SUFU: variants seen among roughly 807,000 people sequenced by gnomAD.
SUFU encodes SUFU negative regulator of hedgehog signaling, also known as suppressor of fused homolog.
Under a neutral mutation model 58.9 loss-of-function variants are expected in SUFU, and 7 were observed. The ratio of observed to expected loss-of-function variants is 0.12; its 90% CI spans 0.07 to 0.22. The LOEUF (loss-of-function observed/expected upper bound fraction) is 0.22. SUFU is among the 10% of genes least tolerant of loss of function. SUFU has a pLI of 1.00. For synonymous variants in SUFU, 232 were observed against 254.8 expected, an observed-to-expected ratio of 0.91 and a Z score of 0.85; for missense variants, 451 against 641.3, an observed-to-expected ratio of 0.70 and a Z score of 3.20.
intron 3 of SUFU, among the ~76,000 whole-genome samples, chr10:102,577,781 C>T (rs866293578): frequency 2.0e-5 from 3 of 150,610 alleles, no homozygotes; most frequent in South Asian, 4.3e-4. Context: ...CCCGGATTCA[C>T]GCCATTCTCC....
Position 102,548,184 on chromosome 10 carries a change from G to GAGAT in SUFU, c.318-1772_318-1769dup, listed in dbSNP as rs914664074. Among the ~76,000 whole-genome samples the GAGAT allele has an allele frequency of 4.6e-5, 7 of 151,748 alleles. No homozygotes were observed. In the East Asian group the frequency reaches 1.4e-3, roughly 30 times the overall value. On this transcript the variant is annotated intron_variant, in intron 2 of 11. Coordinates refer to ENST00000369902, the MANE Select transcript of SUFU (RefSeq NM_016169.4). ...AATACATAGATGATAGAGAGATAGAGAGATAGATAGATAGATACATACATA... is the reference window on the plus strand; with the variant it reads ...AATACATAGATGATAGAGAGATAGAGAGATAGATAGATAGATAGATACATACATA...
At chr10:102,584,809 T>C (rs141392337) in intron 3 of SUFU, among the ~76,000 whole-genome samples, 24 of 152,266 alleles carry the variant, frequency 1.6e-4, no homozygotes, top group African/African-American at 5.1e-4. Context: ...TGCACAGATA[T>C]GGCAAACATG....
Position 102,568,209 on chromosome 10 carries a change from TA to T in SUFU, c.454+18117del, listed in dbSNP as rs71912020. ...GGTAGAGTGGAGTTTCATTTTTACT[TA>T]AAAAAAAAAAAAAGTATGACTTTGA... is the stretch of plus-strand genomic sequence containing the variant. On this transcript the variant is annotated intron_variant, in intron 3 of 11. Transcript: ENST00000369902. Among the ~76,000 whole-genome samples the T allele has an allele frequency of 5.7e-3, 825 of 144,218 alleles. 2 individuals carry two copies. The highest frequency in any genetic ancestry group is 7.4e-3 in the Non-Finnish European group (489 of 65,762). The allele number at this position is 144,218 out of a possible 152,430, so 94.6% of individuals were successfully genotyped here.
chr10:102,597,977 A>T (rs1248515838), intron 7 of SUFU, among the ~76,000 whole-genome samples: 2 of 152,302 alleles, frequency 1.3e-5, no homozygotes, highest in South Asian at 2.1e-4. Context: ...TTACATATAC[A>T]TGTGTTGACA....
chr10:102,545,969 G>T (rs1480435791), intron 2 of SUFU, among the ~76,000 whole-genome samples: 13 of 152,104 alleles, frequency 8.5e-5, no homozygotes, highest in Non-Finnish European at 1.5e-4. Flanking sequence ...GTGAGGCTCG[G>T]TCTCACATAT....
chr10:102,514,353 C>A (rs1268191863), intron 2 of SUFU, among the ~76,000 whole-genome samples: 1 of 152,106 alleles, frequency 6.6e-6, no homozygotes. Context: ...CCCTGGTAAC[C>A]CTAAAAGGGA....
At chr10:102,581,848 A>C (rs1381674536) in intron 3 of SUFU, among the ~76,000 whole-genome samples, 1 of 152,208 alleles carries the variant, frequency 6.6e-6, no homozygotes, top group African/African-American at 2.4e-5. Flanking sequence ...GAACACCAGA[A>C]ATGCAAGAGG....
intron 2 of SUFU, among the ~76,000 whole-genome samples, chr10:102,548,620 T>C (rs977931599): frequency 6.6e-6 from 1 of 152,212 alleles, no homozygotes; most frequent in Non-Finnish European, 1.5e-5. Flanking sequence ...CTGAAAATTA[T>C]ATCATGAATG....
intron 2 of SUFU, among the ~76,000 whole-genome samples, chr10:102,530,864 A>C (rs1172295782): frequency 6.6e-6 from 1 of 152,124 alleles, no homozygotes; most frequent in Non-Finnish European, 1.5e-5. Context: ...TATGTCCAAC[A>C]AGAAAGCAGT....
At chr10:102,535,261 C>T (rs566336354) in intron 2 of SUFU, among the ~76,000 whole-genome samples, 3 of 151,948 alleles carry the variant, frequency 2.0e-5, no homozygotes, top group East Asian at 1.9e-4. Context: ...CTGAGGCAGG[C>T]GGATCATGAG....
At chr10:102,552,553 G>T (rs1268102135) in intron 3 of SUFU, among the ~76,000 whole-genome samples, 1 of 152,028 alleles carries the variant, frequency 6.6e-6, no homozygotes, top group Admixed American at 6.6e-5. Context: ...GTTGATCCTT[G>T]ATTAGATCCT....
intron 2 of SUFU, among the ~76,000 whole-genome samples, chr10:102,516,065 C>T (rs952211950): frequency 6.6e-6 from 1 of 151,066 alleles, no homozygotes; most frequent in Non-Finnish European, 1.5e-5. Context: ...CCCCAAATCT[C>T]TGAATTTGTG....
rs1242326159 is a variant in SUFU at position 102,632,537 on chromosome 10, G to A, written c.*2382G>A. ...TTTCTTGGGCTGCTGGCTGGTGAGAGAGGACCCTTAAAGAAGATCAAGCCA... is the reference window on the plus strand; with the variant it reads ...TTTCTTGGGCTGCTGGCTGGTGAGAAAGGACCCTTAAAGAAGATCAAGCCA... On this transcript the variant is annotated 3_prime_UTR_variant, in exon 12 of 12. Coordinates refer to ENST00000369902, the MANE Select transcript of SUFU (RefSeq NM_016169.4). 2 of 233,284 alleles carry A rather than the reference G, an allele frequency of 8.6e-6. No homozygotes were observed. Among genetic ancestry groups the A allele is most frequent in the Non-Finnish European group, 1.7e-5 (2 of 118,178 alleles). 14.5% of individuals were successfully genotyped at this position (233,284 alleles called of 1,614,324 possible).
At chr10:102,553,871 T>G (rs562764808) in intron 3 of SUFU, among the ~76,000 whole-genome samples, 1 of 152,082 alleles carries the variant, frequency 6.6e-6, no homozygotes, top group South Asian at 2.1e-4. Context: ...AGGTGGGAGG[T>G]TGGCCTAAGC....
rs759467000 is a variant in SUFU, at chr10:102,509,344, C to T, written c.317+41C>T. On this transcript the variant is annotated intron_variant, in intron 2 of 11. Coordinates refer to ENST00000369902, the MANE Select transcript of SUFU (RefSeq NM_016169.4). ...CTGTTCTTTATCCAGAGCCTTATTC[C>T]TGAGGTCTTCCTGAGCAGGGGTGAC... is the stretch of plus-strand genomic sequence containing the variant. 2.5e-6 allele frequency: 4 copies of T among 1,610,900 alleles called. No homozygotes were observed. The African/African-American group carries it at 5.3e-5, about 21-fold the overall frequency.
Position 102,629,201 on chromosome 10 carries a change from A to G in SUFU, c.1366-865A>G, listed in dbSNP as rs972280636. Among the ~76,000 whole-genome samples the G allele has an allele frequency of 1.1e-4, 17 of 152,232 alleles. No homozygotes were observed. Among genetic ancestry groups the G allele is most frequent in the African/African-American group, 4.1e-4 (17 of 41,466 alleles). ...GACCCTGTGTCTAAGTTCCGGTATC[A>G]GTCCCAGGCAGTGAGCATTTATTGA... is the stretch of plus-strand genomic sequence containing the variant. On this transcript the variant is annotated intron_variant, in intron 11 of 11. Coordinates refer to ENST00000369902, the MANE Select transcript of SUFU (RefSeq NM_016169.4). This position sits in a 1 kb window ranked among gnomAD's most constrained non-coding sequence, Gnocchi z 4.7.
At chr10:102,627,350 G>A (rs938563811) in intron 11 of SUFU, 107 bp downstream of exon 11, 16 of 1,032,726 alleles carry the variant, frequency 1.5e-5, no homozygotes, top group Middle Eastern at 2.0e-4. Context: ...CCTGTGGTGC[G>A]TGTGTGCTTG....
upstream of SUFU, chr10:102,503,918 T>G (rs3818470): frequency 2.0e-6 from 1 of 503,932 alleles, no homozygotes. Context: ...TTGGATAGGG[T>G]GCGCCGGCGC....
chr10:102,602,527 A>G (rs1384837587), intron 8 of SUFU, among the ~76,000 whole-genome samples: 4 of 152,222 alleles, frequency 2.6e-5, no homozygotes, highest in African/African-American at 7.2e-5. Flanking sequence ...ATGAGCCTTG[A>G]TGATTCCAAA....
Sources: gnomAD v4.1 joint callset for allele counts (sites outside exome capture counted in the v4.1 genomes callset) on GRCh38, gnomAD v4.1.1 for gene constraint, Gnocchi (gnomAD v3.1) non-coding constraint, MANE v1.5 for transcripts, NCBI Gene and HGNC (gene_info 2026-07-23, HGNC 2026-07-21) for gene names.